Variants in DYNC2I2 observed in about 807,000 individuals in gnomAD.
DYNC2I2 encodes cytoplasmic dynein 2 intermediate chain 2.
Under a neutral mutation model 52.0 loss-of-function variants are expected in DYNC2I2, and 39 were observed. That is an observed-to-expected ratio of 0.75 (90% CI 0.58 to 0.98). The LOEUF is 0.98. Among genes scored for constraint, DYNC2I2 ranks in the 50% least tolerant of loss-of-function variants. The pLI, the probability that DYNC2I2 is intolerant of heterozygous loss-of-function variation, is 0.00. For synonymous variants in DYNC2I2, 359 were observed against 321.1 expected, an observed-to-expected ratio of 1.12 and a Z score of -1.26; for missense variants, 743 against 728.4, an observed-to-expected ratio of 1.02 and a Z score of -0.23.
rs1221555639 is a variant in DYNC2I2, at chr9:128,635,133, G to C, written c.940C>G (p.Leu314Val). ...GQLQLTEGFA[L>V]VMQQLPRSTK... ...CTCCGTGGCAGCTGCTGCATGACCA[G>C]GGCGAAGCCCTCTGTGAGCTGCAGC... The change falls in exon 6 of 9, where the codon CTG becomes GTG. Residue 314 changes from leucine (L) to valine (V), a missense_variant. Leu to Val is a conservative substitution (Grantham distance 32). Transcript: ENST00000372715. 2.0e-5 allele frequency: 32 copies of C among 1,613,326 alleles called. No homozygotes were observed. Among genetic ancestry groups the C allele is most frequent in the Non-Finnish European group, 2.5e-5 (29 of 1,179,976 alleles).
chr9:128,674,660 G>A, the DYNC2I2 span, among the ~76,000 whole-genome samples: 3 of 152,076 alleles, frequency 2.0e-5, no homozygotes, highest in African/African-American at 4.8e-5. Flanking sequence ...GGAGAATCGC[G>A]TGAACCCAGG....
chr9:128,647,218 G>T (rs1187727663), intron 1 of DYNC2I2, among the ~76,000 whole-genome samples: 1 of 152,206 alleles, frequency 6.6e-6, no homozygotes, highest in Non-Finnish European at 1.5e-5. Flanking sequence ...TGTGCTCCGG[G>T]ATACCTAAGT....
chr9:128,635,413 T>C, intron 5 of DYNC2I2, 154 bp from the exon 6 acceptor site: 2 of 977,516 alleles, frequency 2.0e-6, no homozygotes, highest in Non-Finnish European at 2.9e-6. Context: ...GCCTGGAGGG[T>C]TCCCAGGGCC....
chr9:128,668,279 G>C, the DYNC2I2 span, among the ~76,000 whole-genome samples: 2 of 140,702 alleles, frequency 1.4e-5, no homozygotes, highest in Non-Finnish European at 3.3e-5. Flanking sequence ...TCTTGACCTT[G>C]TAATCTGCCC....
chr9:128,683,461 C>G, the DYNC2I2 span: 13 of 227,724 alleles, frequency 5.7e-5, no homozygotes, highest in African/African-American at 2.9e-4. Flanking sequence ...GGCAACAGCA[C>G]GTGTTTAAAT....
intron 3 of DYNC2I2, among the ~76,000 whole-genome samples, 159 bp downstream of exon 3, chr9:128,636,759 C>A (rs550546711): frequency 6.6e-6 from 1 of 152,314 alleles, no homozygotes; most frequent in Non-Finnish European, 1.5e-5. Flanking sequence ...GCCTGCTCTT[C>A]TGCCACTTGT....
chr9:128,669,623 G>A, the DYNC2I2 span, among the ~76,000 whole-genome samples: 1 of 152,238 alleles, frequency 6.6e-6, no homozygotes, highest in Non-Finnish European at 1.5e-5. Flanking sequence ...CTTGAACCTA[G>A]GAGGCATAGG....
chr9:128,662,148 A>G, the DYNC2I2 span, among the ~76,000 whole-genome samples: 1 of 151,184 alleles, frequency 6.6e-6, no homozygotes, highest in Non-Finnish European at 1.5e-5. Flanking sequence ...CAGGAGAATC[A>G]CTTGAACCTG....
rs985446652 is a variant in DYNC2I2 at position 128,656,792 on chromosome 9, G to A, written c.-66C>T. ...GACCTCCGCCCCTACGCCGCCATGA[G>A]CGGAAAACGGGGAATGTGAGGCTGA... On this transcript the variant is annotated 5_prime_UTR_variant, in exon 1 of 9. Coordinates refer to ENST00000372715, the MANE Select transcript of DYNC2I2 (RefSeq NM_052844.4). The A allele has an allele frequency of 7.7e-7, 1 of 1,304,850 alleles. No individual in the cohort carries two copies. Among genetic ancestry groups the A allele is most frequent in the African/African-American group, 1.5e-5 (1 of 64,784 alleles). 80.8% of individuals were successfully genotyped at this position (1,304,850 alleles called of 1,614,324 possible). A position where few individuals can be genotyped will look rare whatever the true frequency, so the allele number is the denominator to read the frequency against.
chr9:128,684,089 T>C, the DYNC2I2 span: 1 of 1,136,848 alleles, frequency 8.8e-7, no homozygotes, highest in African/African-American at 1.6e-5. Flanking sequence ...CCAATCCCTC[T>C]TGAGATGTGA....
the DYNC2I2 span, among the ~76,000 whole-genome samples, chr9:128,678,231 G>A: frequency 2.6e-5 from 4 of 151,468 alleles, no homozygotes; most frequent in Non-Finnish European, 5.9e-5. Flanking sequence ...ACCACGCCCA[G>A]GTGATTTTGT....
At chr9:128,637,965 G>T (rs933899924) in intron 2 of DYNC2I2, among the ~76,000 whole-genome samples, 1 of 152,130 alleles carries the variant, frequency 6.6e-6, no homozygotes, top group Non-Finnish European at 1.5e-5. Flanking sequence ...GGCCGGGCAC[G>T]ATGGCTCACG....
At chr9:128,643,491 C>T (rs1860556134) in intron 1 of DYNC2I2, among the ~76,000 whole-genome samples, 2 of 150,462 alleles carry the variant, frequency 1.3e-5, no homozygotes, top group African/African-American at 4.9e-5. Context: ...CGTGCCACTG[C>T]ACTCCAGCCT....
chr9:128,645,756 T>C (rs1239190003), intron 1 of DYNC2I2, among the ~76,000 whole-genome samples: 2 of 152,050 alleles, frequency 1.3e-5, no homozygotes, highest in African/African-American at 4.8e-5. Context: ...GGAGGGCATG[T>C]TGAAAGCTGA....
chr9:128,634,412 G>C, intron 7 of DYNC2I2, 29 bp from the exon 8 acceptor site: 1 of 1,555,442 alleles, frequency 6.4e-7, no homozygotes, highest in Non-Finnish European at 8.7e-7. Context: ...GCCAGGCAAG[G>C]GAATCAGTGC....
At chr9:128,635,353 A>C in intron 5 of DYNC2I2, 94 bp from the exon 6 acceptor site, 1 of 1,442,728 alleles carries the variant, frequency 6.9e-7, no homozygotes. Context: ...CCAGGAAAAA[A>C]AAAAATTCTC....
At chr9:128,657,382 T>A (rs1360053718), upstream of DYNC2I2, among the ~76,000 whole-genome samples, 1 of 152,148 alleles carries the variant, frequency 6.6e-6, no homozygotes, top group Admixed American at 6.6e-5. Flanking sequence ...CTCTTTCTTA[T>A]TAAGTTCTCA....
the DYNC2I2 span, among the ~76,000 whole-genome samples, chr9:128,665,908 T>TAAA: frequency 8.7e-6 from 1 of 115,240 alleles, no homozygotes; most frequent in South Asian, 2.8e-4. Context: ...CCGTCTCTAC[T>TAAA]AAAAAAAAAA....
chr9:128,658,071 G>C (rs1227080258), upstream of DYNC2I2, among the ~76,000 whole-genome samples: 1 of 151,748 alleles, frequency 6.6e-6, no homozygotes, highest in Admixed American at 6.6e-5. Context: ...CTTTAGCCTG[G>C]ACAAGAGAGT....
Sources: gnomAD v4.1 joint callset for allele counts (sites outside exome capture counted in the v4.1 genomes callset) on GRCh38, gnomAD v4.1.1 for gene constraint, MANE v1.5 for transcripts, NCBI Gene and HGNC (gene_info 2026-07-23, HGNC 2026-07-21) for gene names.